SH3D19: variants seen among roughly 807,000 people sequenced by gnomAD.
The protein encoded by SH3D19 is SH3 domain-containing protein 19.
A neutral mutation model predicts 112.1 loss-of-function variants in SH3D19; 58 were observed. The observed-to-expected ratio is 0.52, with a 90% CI of 0.42 to 0.64. The LOEUF (loss-of-function observed/expected upper bound fraction) is 0.64. Among genes scored for constraint, SH3D19 ranks in the 30% least tolerant of loss-of-function variants. The pLI is 0.00. For synonymous variants in SH3D19, 391 were observed against 448.5 expected (o/e 0.87, Z 1.62); for missense variants, 1,090 against 1,263.4 (o/e 0.86, Z 2.08).
chr4:151,238,764 A>G (rs1222615280), intron 1 of SH3D19, among the ~76,000 whole-genome samples: 1 of 152,020 alleles, frequency 6.6e-6, no homozygotes, highest in East Asian at 1.9e-4. Context: ...TTAGAGTGAA[A>G]AAAAAATCTT....
intron 1 of SH3D19, among the ~76,000 whole-genome samples, chr4:151,298,375 A>C (rs1043232789): frequency 6.6e-6 from 1 of 151,736 alleles, no homozygotes; most frequent in African/African-American, 2.4e-5. Flanking sequence ...AGGAAGTTTC[A>C]CCATGTTGGC....
chr4:151,178,145 C>T (rs1400366003), intron 4 of SH3D19, among the ~76,000 whole-genome samples: 1 of 152,094 alleles, frequency 6.6e-6, no homozygotes. Flanking sequence ...AACTCCCAGC[C>T]TCAAGCAATC....
intron 1 of SH3D19, among the ~76,000 whole-genome samples, chr4:151,242,025 C>G (rs550266347): frequency 8.6e-4 from 130 of 151,942 alleles, no homozygotes; most frequent in Non-Finnish European, 1.7e-3. Flanking sequence ...GACCCTGTCT[C>G]TACAAAAAAC....
At chr4:151,267,157 T>TAAAAA (rs1378855145) in intron 1 of SH3D19, among the ~76,000 whole-genome samples, 1 of 57,294 alleles carries the variant, frequency 1.7e-5, no homozygotes, top group African/African-American at 3.2e-5. Flanking sequence ...AGTCTCTCTC[T>TAAAAA]AAAAAAAAAA....
intron 2 of SH3D19, among the ~76,000 whole-genome samples, chr4:151,202,501 C>G (rs996940579): frequency 9.9e-5 from 15 of 152,234 alleles, no homozygotes; most frequent in African/African-American, 3.6e-4. Context: ...CTAATTCCAA[C>G]TTTTAGTTGC....
rs925154473 is a variant in SH3D19, at chr4:151,121,477, G to A, written c.*614C>T. 2.6e-5 allele frequency: 4 copies of A among 152,580 alleles called. No homozygotes were observed. The highest frequency in any genetic ancestry group is 5.9e-5 in the Non-Finnish European group (4 of 68,042). The allele number at this position is 152,580 out of a possible 1,614,324, so 9.5% of individuals were successfully genotyped here. A position where few individuals can be genotyped will look rare whatever the true frequency, so the allele number is the denominator to read the frequency against. Reference sequence around the variant, plus strand: ...AATTTAGACCCCCTTCAAATCCTTAGACAAATGGGAATCACTTGGTAACAT... The same window carrying A: ...AATTTAGACCCCCTTCAAATCCTTAAACAAATGGGAATCACTTGGTAACAT... On this transcript the variant is annotated 3_prime_UTR_variant, in exon 20 of 20. Coordinates refer to ENST00000604030, the MANE Select transcript of SH3D19 (RefSeq NM_001378122.1).
In SH3D19 at chr4:151,148,011, A is replaced by G. The variant is rs751877425; in HGVS notation, c.1993T>C (p.Ser665Pro). ...KKQSNLATGL[S>P]KAKSQVFKNQ... is the part of the protein sequence containing the mutation. ...TTAAAAACTTGACTCTTGGCTTTTG[A>G]GAGTCCAGTTGCCAAGTTACTTTGT... is the stretch of plus-strand genomic sequence containing the variant. Residue 665 changes from serine (S) to proline (P), a missense_variant, in exon 11 of 20, where the codon TCA (serine) becomes CCA (proline). By Grantham distance (74) the Ser-to-Pro change is moderately conservative (BLOSUM62 -1). Transcript: ENST00000604030. 6.2e-7 allele frequency: 1 copy of G among 1,614,128 alleles called. No homozygotes were observed. The highest frequency in any genetic ancestry group is 1.1e-5 in the South Asian group (1 of 91,082).
intron 12 of SH3D19, chr4:151,140,052 A>C: frequency 2.1e-6 from 1 of 485,028 alleles, no homozygotes; most frequent in Admixed American, 3.7e-5. Flanking sequence ...GGGAGGATGA[A>C]AATCTCAATT....
intron 8 of SH3D19, among the ~76,000 whole-genome samples, chr4:151,165,337 CAA>C (rs766791203): frequency 6.7e-6 from 1 of 149,986 alleles, no homozygotes; most frequent in Admixed American, 6.6e-5. Flanking sequence ...GCGTGACTCC[CAA>C]AAAAAAGAGG....
At chr4:151,224,019 T>C (rs768919361) in intron 2 of SH3D19, among the ~76,000 whole-genome samples, 14 of 152,096 alleles carry the variant, frequency 9.2e-5, no homozygotes, top group Admixed American at 2.0e-4. Flanking sequence ...ATATCAAAAG[T>C]ATGATCTAGG....
intron 19 of SH3D19, among the ~76,000 whole-genome samples, chr4:151,125,492 C>CCAA (rs1749029878): frequency 2.5e-5 from 3 of 119,966 alleles, no homozygotes; most frequent in African/African-American, 1.1e-4. Flanking sequence ...AAAACAAAAC[C>CCAA]AAAAAAAAAA....
chr4:151,292,406 G>A (rs1047288740), intron 1 of SH3D19, among the ~76,000 whole-genome samples: 2 of 152,010 alleles, frequency 1.3e-5, no homozygotes, highest in Non-Finnish European at 1.5e-5. Flanking sequence ...GACCTACTAC[G>A]AACAATGGAT....
chr4:151,313,085 C>T (rs1447027874), intron 1 of SH3D19, among the ~76,000 whole-genome samples: 1 of 79,262 alleles, frequency 1.3e-5, no homozygotes, highest in Non-Finnish European at 3.3e-5. Flanking sequence ...GAGACTCTGT[C>T]TCAAAAAAAA....
intron 1 of SH3D19, among the ~76,000 whole-genome samples, chr4:151,316,856 C>A (rs983715982): frequency 3.9e-5 from 6 of 152,208 alleles, no homozygotes; most frequent in South Asian, 2.1e-4. Context: ...CTCCTTCCTG[C>A]CCTGTGTCAA....
At chr4:151,214,469 C>CG (rs1238178516) in intron 2 of SH3D19, among the ~76,000 whole-genome samples, 3 of 97,300 alleles carry the variant, frequency 3.1e-5, no homozygotes, top group Admixed American at 2.1e-4. Flanking sequence ...GGCTGACCCC[C>CG]CACCTCCCTC....
intron 1 of SH3D19, among the ~76,000 whole-genome samples, chr4:151,302,076 A>T (rs1728478995): frequency 6.6e-6 from 1 of 152,162 alleles, no homozygotes; most frequent in South Asian, 2.1e-4. Context: ...CCAGCCACTC[A>T]AGGTACCATG....
chr4:151,268,270 T>A lies in SH3D19; in HGVS notation c.113-42184A>T, dbSNP rs1406797933. ...TACAGTAAAAATATATTATAAAAGA[T>A]AAAAACTGGTACACCTATATAGGGC... On this transcript the variant is annotated intron_variant, in intron 1 of 19. Coordinates refer to ENST00000604030, the MANE Select transcript of SH3D19 (RefSeq NM_001378122.1). Among the ~76,000 whole-genome samples, 4 of 152,214 alleles carry A rather than the reference T, an allele frequency of 2.6e-5. No individual in the cohort carries two copies. The South Asian group carries it at 8.3e-4, about 32-fold the overall frequency.
chr4:151,165,868 T>C, intron 7 of SH3D19, 172 bp from the exon 8 acceptor site: 3 of 575,014 alleles, frequency 5.2e-6, no homozygotes. Context: ...TAAAAGGAAA[T>C]AACTTAGTGT....
At chr4:151,133,665 T>C (rs1751218807) in intron 15 of SH3D19, among the ~76,000 whole-genome samples, 1 of 152,186 alleles carries the variant, frequency 6.6e-6, no homozygotes, top group Non-Finnish European at 1.5e-5. Context: ...CAGAATGCAA[T>C]GGGCATCAGC....
Sources: allele counts gnomAD v4.1 joint callset (sites outside exome capture counted in the v4.1 genomes callset), GRCh38; gene constraint gnomAD v4.1.1; transcripts MANE v1.5; gene names NCBI Gene and HGNC (gene_info 2026-07-23, HGNC 2026-07-21).